The following WDFY1 variants were observed in gnomAD, a reference collection of about 807,000 sequenced individuals.
The protein encoded by WDFY1 is WD repeat and FYVE domain-containing protein 1.
Under a neutral mutation model 56.4 loss-of-function variants are expected in WDFY1, and 32 were observed. That is an observed-to-expected ratio of 0.57 (90% CI 0.43 to 0.76). The LOEUF is 0.76. Ranked by LOEUF, WDFY1 falls within the 30% of genes least tolerant of loss-of-function variation. WDFY1 has a pLI of 0.00. For synonymous variants in WDFY1, 192 were observed against 197.3 expected (o/e 0.97, Z 0.23); for missense variants, 480 against 545.7 (o/e 0.88, Z 1.20).
chr2:223,894,600 T>C lies in WDFY1; in HGVS notation c.726-261A>G, dbSNP rs569315198. ...TGTAGGCCAGAGATTTGATGAGGGC[T>C]ATGGTTTTTGGGACCAATCAACATG... On this transcript the variant is annotated intron_variant, in intron 7 of 11. Transcript: ENST00000233055. 6.7e-5 allele frequency: 31 copies of C among 461,374 alleles called. No homozygotes were observed. In the Middle Eastern group the frequency reaches 1.8e-3, roughly 27 times the overall value. The allele number at this position is 461,374 out of a possible 1,614,324, so 28.6% of individuals were successfully genotyped here.
Position 223,945,182 on chromosome 2 carries a change from T to C in WDFY1, c.103A>G (p.Lys35Glu), listed in dbSNP as rs555615793. Reference protein sequence around the residue: ...DAVTAALLIPKEDGVITASED... With the variant: ...DAVTAALLIPEEDGVITASED... ...CTGGCCGTGATCACGCCGTCCTCCT[T>C]GGGGATGAGCAGCGCGGCCGTGACG... is the stretch of plus-strand genomic sequence containing the variant. Residue 35 changes from lysine to glutamate, a missense_variant, in exon 1 of 12, where the codon AAG (lysine) becomes GAG (glutamate). Transcript: ENST00000233055. 7 of 1,598,344 alleles carry C rather than the reference T, an allele frequency of 4.4e-6. No homozygotes were observed. In the South Asian group the frequency reaches 6.7e-5, roughly 15 times the overall value.
chr2:223,904,312 T>G (rs1693561504), intron 4 of WDFY1, among the ~76,000 whole-genome samples: 1 of 152,216 alleles, frequency 6.6e-6, no homozygotes, highest in African/African-American at 2.4e-5. Context: ...AGTGCAGTGG[T>G]GCGATTTTGG....
chr2:223,944,857 G>A (rs1195342056), intron 1 of WDFY1, among the ~76,000 whole-genome samples: 1 of 123,058 alleles, frequency 8.1e-6, no homozygotes, highest in African/African-American at 3.1e-5. Flanking sequence ...CCCGGGCTTG[G>A]GCGGCGCGGT....
intron 9 of WDFY1, among the ~76,000 whole-genome samples, chr2:223,883,929 A>G (rs1378794480): frequency 6.6e-6 from 1 of 152,172 alleles, no homozygotes; most frequent in Non-Finnish European, 1.5e-5. Context: ...TACAGGCCTG[A>G]GCCACCATGC....
intron 5 of WDFY1, 71 bp downstream of exon 5, chr2:223,901,112 G>A (rs558160935): frequency 5.1e-5 from 77 of 1,503,962 alleles, no homozygotes; most frequent in Non-Finnish European, 6.7e-5. Flanking sequence ...AGCCATTTGG[G>A]ATGAGATTCA....
intron 11 of WDFY1, among the ~76,000 whole-genome samples, chr2:223,879,282 A>C (rs535553592): frequency 7.5e-4 from 115 of 152,338 alleles, no homozygotes; most frequent in African/African-American, 2.4e-3. Flanking sequence ...ATTAAATCAT[A>C]ATAATGTTTT....
At chr2:223,939,690 G>A (rs1689266301) in intron 1 of WDFY1, among the ~76,000 whole-genome samples, 1 of 152,100 alleles carries the variant, frequency 6.6e-6, no homozygotes, top group South Asian at 2.1e-4. Context: ...AGAACAGTAT[G>A]GGGGAAACTG....
At chr2:223,893,799 A>G (rs1693317181) in intron 8 of WDFY1, among the ~76,000 whole-genome samples, 1 of 152,188 alleles carries the variant, frequency 6.6e-6, no homozygotes, top group Non-Finnish European at 1.5e-5. Flanking sequence ...AGAGAAATGG[A>G]AATATATTTT....
At position 223,897,380 on chromosome 2, in the gene WDFY1, A is replaced by ATTT. The variant is rs1192018583; in HGVS notation, c.598+1577_598+1578insAAA. 1.9e-3 allele frequency among the ~76,000 whole-genome samples: 159 copies of ATTT among 84,784 alleles called. 2 individuals carry two copies. The highest frequency in any genetic ancestry group is 7.0e-3 in the East Asian group (26 of 3,720). The allele number at this position is 84,784 out of a possible 152,430, so 55.6% of individuals were successfully genotyped here. ...TATATATATATATATATATATATAT[A>ATTT]TATATATATATTTTTTAAGACGGAG... On this transcript the variant is annotated intron_variant, in intron 6 of 11. Coordinates refer to ENST00000233055, the MANE Select transcript of WDFY1 (RefSeq NM_020830.5).
rs1380538471 is a variant in WDFY1 at position 223,876,976 on chromosome 2, ACATTTTG to A, written c.*1688_*1694del. On this transcript the variant is annotated 3_prime_UTR_variant, in exon 12 of 12. Transcript: ENST00000233055. ...TTCTTCCAAACTATGTTAGTAATAT[ACATTTTG>A]CAAAGAGTCTAGAAAGTTTTTAAAA... The A allele has an allele frequency of 6.6e-6, 1 of 152,244 alleles. No individual in the cohort carries two copies. The highest frequency in any genetic ancestry group is 1.5e-5 in the Non-Finnish European group (1 of 68,040). The allele number at this position is 152,244 out of a possible 1,614,324, so 9.4% of individuals were successfully genotyped here.
Position 223,888,779 on chromosome 2 carries a change from G to A in WDFY1, c.832-4030C>T, listed in dbSNP as rs1453156128. Among the ~76,000 whole-genome samples the A allele has an allele frequency of 4.6e-5, 7 of 150,772 alleles. No homozygotes were observed. In the East Asian group the frequency reaches 9.9e-4, roughly 21 times the overall value. On this transcript the variant is annotated intron_variant, in intron 8 of 11. Transcript: ENST00000233055. Reference sequence around the variant, plus strand: ...TTTTTTGTATTTTTAGTAGAGATGGGGTTTCACCATGTTGGTTAGGCTGGT... The same window carrying A: ...TTTTTTGTATTTTTAGTAGAGATGGAGTTTCACCATGTTGGTTAGGCTGGT...
chr2:223,889,132 G>C (rs1318155096), intron 8 of WDFY1, among the ~76,000 whole-genome samples: 2 of 152,068 alleles, frequency 1.3e-5, no homozygotes, highest in African/African-American at 4.8e-5. Flanking sequence ...TCGAACTCCT[G>C]ACCTCAGGGG....
intron 1 of WDFY1, among the ~76,000 whole-genome samples, chr2:223,933,275 G>A (rs1328158239): frequency 6.6e-6 from 1 of 151,662 alleles, no homozygotes; most frequent in Non-Finnish European, 1.5e-5. Flanking sequence ...GCCACTGGGT[G>A]GCCCCAGCAT....
intron 1 of WDFY1, among the ~76,000 whole-genome samples, chr2:223,929,878 T>C (rs1243301451): frequency 1.3e-5 from 2 of 152,334 alleles, no homozygotes; most frequent in East Asian, 3.9e-4. Flanking sequence ...TGAAAGTTCA[T>C]CTTTAAAACA....
intron 1 of WDFY1, among the ~76,000 whole-genome samples, chr2:223,939,906 T>C (rs1054725747): frequency 6.6e-6 from 1 of 152,218 alleles, no homozygotes; most frequent in Non-Finnish European, 1.5e-5. Context: ...TGGCCTAGAT[T>C]TTACAAAAGT....
At chr2:223,916,647 A>G (rs757089180) in intron 2 of WDFY1, among the ~76,000 whole-genome samples, 1 of 152,136 alleles carries the variant, frequency 6.6e-6, no homozygotes, top group African/African-American at 2.4e-5. Context: ...GGCATAACGG[A>G]GTTGACTCCC....
chr2:223,922,240 T>A (rs553794095), intron 1 of WDFY1, among the ~76,000 whole-genome samples: 23 of 152,352 alleles, frequency 1.5e-4, no homozygotes, highest in African/African-American at 5.5e-4. Flanking sequence ...CATTTCAGCA[T>A]AACTTCTTCA....
chr2:223,882,744 G>T (rs1453977124), intron 9 of WDFY1, among the ~76,000 whole-genome samples: 4 of 150,836 alleles, frequency 2.7e-5, no homozygotes, highest in Non-Finnish European at 4.4e-5. Context: ...TTTTTTCAGA[G>T]ACAGGGTCTC....
chr2:223,926,544 T>C (rs1467098090), intron 1 of WDFY1, among the ~76,000 whole-genome samples: 1 of 152,230 alleles, frequency 6.6e-6, no homozygotes, highest in African/African-American at 2.4e-5. Flanking sequence ...TCTCATGGTA[T>C]GTCTCCATCC....
Sources: allele counts gnomAD v4.1 joint callset (sites outside exome capture counted in the v4.1 genomes callset), GRCh38; gene constraint gnomAD v4.1.1; transcripts MANE v1.5; gene names NCBI Gene and HGNC (gene_info 2026-07-23, HGNC 2026-07-21).